The following CADM1 variants were observed in gnomAD, a reference collection of about 807,000 sequenced individuals.
The protein encoded by CADM1 is TSLC-1.
A neutral mutation model predicts 53.1 loss-of-function variants in CADM1; 15 were observed. That is an observed-to-expected ratio of 0.28 (90% CI 0.19 to 0.44). CADM1 has a LOEUF of 0.44. CADM1 is among the 20% of genes least tolerant of loss of function. The pLI is 1.00. For missense variants in CADM1, 434 were observed against 611.3 expected (o/e 0.71, Z 3.06); for synonymous variants, 281 against 243.0 (o/e 1.16, Z -1.45).
intron 1 of CADM1, among the ~76,000 whole-genome samples, chr11:115,484,670 GGGCGCGGT>G (rs1224004230): frequency 2.6e-5 from 4 of 152,222 alleles, no homozygotes; most frequent in Middle Eastern, 3.4e-3. Flanking sequence ...AACCTGGGCC[GGGCGCGGT>G]GGCTCATGCC....
At chr11:115,465,035 TTA>T (rs1427268421) in intron 1 of CADM1, among the ~76,000 whole-genome samples, 1 of 152,170 alleles carries the variant, frequency 6.6e-6, no homozygotes, top group East Asian at 1.9e-4. Context: ...GTACAACCAC[TTA>T]TCTGGGCATC....
At chr11:115,350,220 C>T (rs1361753039) in intron 1 of CADM1, among the ~76,000 whole-genome samples, 1 of 152,236 alleles carries the variant, frequency 6.6e-6, no homozygotes, top group African/African-American at 2.4e-5. Context: ...ATGCACCCGC[C>T]TCAGCCTCCC....
At chr11:115,329,377 G>A (rs1945071275) in intron 1 of CADM1, among the ~76,000 whole-genome samples, 1 of 151,908 alleles carries the variant, frequency 6.6e-6, no homozygotes, top group Non-Finnish European at 1.5e-5. Flanking sequence ...AGGCTTTTTT[G>A]TTGCAGTCTG....
intron 1 of CADM1, among the ~76,000 whole-genome samples, chr11:115,475,630 C>T (rs554694314): frequency 1.3e-5 from 2 of 152,168 alleles, no homozygotes; most frequent in African/African-American, 2.4e-5. Flanking sequence ...TAGAGTAACA[C>T]TGATGAATTT....
chr11:115,438,200 C>T (rs11215558), intron 1 of CADM1, among the ~76,000 whole-genome samples: 22,972 of 152,174 alleles, frequency 0.15, 1,923 homozygotes, highest in Non-Finnish European at 0.19. Context: ...CATCCTATAT[C>T]TGTGCCTTTA....
At chr11:115,332,264 A>C (rs1463084223) in intron 1 of CADM1, among the ~76,000 whole-genome samples, 1 of 152,204 alleles carries the variant, frequency 6.6e-6, no homozygotes, top group Non-Finnish European at 1.5e-5. Context: ...AGACAGGTTG[A>C]GGAGAAACAT....
At chr11:115,340,658 A>ATATATTTTTTTTTTTTTTTT (rs60532835) in intron 1 of CADM1, among the ~76,000 whole-genome samples, 1 of 34,944 alleles carries the variant, frequency 2.9e-5, no homozygotes, top group African/African-American at 1.4e-4. Context: ...ATATATATAT[A>ATATATTTTTTTTTTTTTTTT]TTTTTTTTTT....
chr11:115,341,793 A>G (rs1945455590), intron 1 of CADM1, among the ~76,000 whole-genome samples: 1 of 152,210 alleles, frequency 6.6e-6, no homozygotes, highest in Non-Finnish European at 1.5e-5. Flanking sequence ...CAGAAAATAA[A>G]TAGCAGAACT....
chr11:115,200,468 G>T (rs894635287), intron 8 of CADM1, among the ~76,000 whole-genome samples: 12 of 152,148 alleles, frequency 7.9e-5, no homozygotes, highest in African/African-American at 2.7e-4. Context: ...CATTATTTTT[G>T]TAGTAGCTCT....
chr11:115,368,262 T>A (rs973549411), intron 1 of CADM1, among the ~76,000 whole-genome samples: 6 of 152,080 alleles, frequency 3.9e-5, no homozygotes, highest in East Asian at 1.9e-4. Context: ...TTGTCATAGA[T>A]CCTGCAGGGG....
chr11:115,439,189 T>C (rs1449864694), intron 1 of CADM1, among the ~76,000 whole-genome samples: 1 of 138,704 alleles, frequency 7.2e-6, no homozygotes, highest in East Asian at 1.9e-4. Flanking sequence ...GCTAACCAGG[T>C]ATCCATTACC....
At chr11:115,458,621 G>A (rs1321904863) in intron 1 of CADM1, among the ~76,000 whole-genome samples, 2 of 151,570 alleles carry the variant, frequency 1.3e-5, no homozygotes, top group African/African-American at 4.8e-5. Flanking sequence ...TCCTATATAA[G>A]GGGAGAGTGT....
intron 1 of CADM1, among the ~76,000 whole-genome samples, chr11:115,323,186 A>T (rs575603269): frequency 2.4e-4 from 36 of 152,252 alleles, no homozygotes; most frequent in African/African-American, 8.4e-4. Context: ...CTAGTGACTA[A>T]TGGCATTGAA....
chr11:115,250,941 C>CGAT (rs1565324863), intron 1 of CADM1, among the ~76,000 whole-genome samples: 1 of 152,112 alleles, frequency 6.6e-6, no homozygotes, highest in African/African-American at 2.4e-5. Context: ...ATAAGCTTTA[C>CGAT]GATGCTAAAA....
At chr11:115,320,194 C>G (rs1426996084) in intron 1 of CADM1, among the ~76,000 whole-genome samples, 1 of 152,098 alleles carries the variant, frequency 6.6e-6, no homozygotes, top group Non-Finnish European at 1.5e-5. Context: ...TCCCGAGCAG[C>G]TGGGAGTACA....
intron 1 of CADM1, among the ~76,000 whole-genome samples, chr11:115,316,597 C>T (rs560603975): frequency 6.6e-6 from 1 of 152,180 alleles, no homozygotes; most frequent in Admixed American, 6.5e-5. Context: ...ATAAATTCAT[C>T]CTTAAAATGT....
intron 1 of CADM1, among the ~76,000 whole-genome samples, chr11:115,419,331 T>C (rs546555421): frequency 6.6e-6 from 1 of 152,324 alleles, no homozygotes; most frequent in Non-Finnish European, 1.5e-5. Flanking sequence ...CATCATACTC[T>C]GAAGTACACA....
chr11:115,404,349 ATATATATATATATAT>A (rs1947255171), intron 1 of CADM1, among the ~76,000 whole-genome samples: 12 of 23,222 alleles, frequency 5.2e-4, no homozygotes, highest in African/African-American at 8.0e-4. Context: ...AAAAAAAAAT[ATATATATATATATAT>A]ATATATATAT....
At chr11:115,209,800 T>C in intron 7 of CADM1, 143 bp from the exon 8 acceptor site, 1 of 966,946 alleles carries the variant, frequency 1.0e-6, no homozygotes, top group South Asian at 1.6e-5. Context: ...CCCTGCAAGA[T>C]TTATGTCTTG....
Sources: gnomAD v4.1 joint callset for allele counts (sites outside exome capture counted in the v4.1 genomes callset) on GRCh38, gnomAD v4.1.1 for gene constraint, MANE v1.5 for transcripts, NCBI Gene and HGNC (gene_info 2026-07-23, HGNC 2026-07-21) for gene names.